ACTN4: variants seen among roughly 807,000 people sequenced by gnomAD.
ACTN4 encodes the protein actinin alpha 4, also known as alpha-actinin-4.
In ACTN4, 18 loss-of-function variants were observed where a neutral mutation model predicts 114.2. That is an observed-to-expected ratio of 0.16 (90% CI 0.11 to 0.23). The LOEUF is 0.23. ACTN4 is among the 10% of genes least tolerant of loss of function. The pLI is 1.00. For missense variants in ACTN4, 722 were observed against 1,262.9 expected (o/e 0.57, Z 6.49); for synonymous variants, 515 against 506.3 (o/e 1.02, Z -0.23).
At chr19:38,714,657 A>T in intron 9 of ACTN4, 96 bp downstream of exon 9, 1 of 1,306,040 alleles carries the variant, frequency 7.7e-7, no homozygotes, top group Non-Finnish European at 1.1e-6. Flanking sequence ...TGGCAGCGAG[A>T]TGACCTAGAA....
rs1334762708 is a variant in ACTN4 at position 38,673,508 on chromosome 19, A to AATATATATATATTC, written c.162+25609_162+25610insATATTCATATATAT. 9.2e-5 allele frequency among the ~76,000 whole-genome samples: 6 copies of AATATATATATATTC among 65,150 alleles called. 2 individuals are homozygous for AATATATATATATTC. The highest frequency in any genetic ancestry group is 2.3e-4 in the African/African-American group (4 of 17,554). The allele number at this position is 65,150 out of a possible 152,430, so 42.7% of individuals were successfully genotyped here. The stretch of plus-strand genomic sequence containing the variant: ...ATATTCATATATATTTATATATATG[A>AATATATATATATTC]ATATATATTTATATATATTCATATA... On this transcript the variant is annotated intron_variant, in intron 1 of 20. Coordinates refer to ENST00000252699, the MANE Select transcript of ACTN4 (RefSeq NM_004924.6).
At chr19:38,652,685 G>A (rs572632543) in intron 1 of ACTN4, among the ~76,000 whole-genome samples, 5 of 152,232 alleles carry the variant, frequency 3.3e-5, no homozygotes, top group African/African-American at 7.2e-5. Context: ...GCTGCCTTGT[G>A]GGGGGGAAAG....
intron 1 of ACTN4, among the ~76,000 whole-genome samples, chr19:38,677,663 AGT>A (rs1967423094): frequency 6.6e-6 from 1 of 152,102 alleles, no homozygotes; most frequent in South Asian, 2.1e-4. Flanking sequence ...TTCTAGGCCC[AGT>A]GTTCAGCCAG....
rs765076236 is a variant in ACTN4 at position 38,724,414 on chromosome 19, C to T, written c.1876-17C>T. The T allele has an allele frequency of 7.4e-6, 12 of 1,612,562 alleles. No individual in the cohort carries two copies. The highest frequency in any genetic ancestry group is 1.6e-4 in the Middle Eastern group (1 of 6,084). On this transcript the variant is annotated splice_polypyrimidine_tract_variant and intron_variant, in intron 15 of 20. Coordinates refer to ENST00000252699, the MANE Select transcript of ACTN4 (RefSeq NM_004924.6). This position sits in a 1 kb window ranked among gnomAD's most constrained non-coding sequence, Gnocchi z 7.0. ...GCCACCTCCCTGACCGCTCCCACAC[C>T]GCGTCTCCTCTGCCAGGTGCAGCAG... is the stretch of plus-strand genomic sequence containing the variant.
At chr19:38,709,556 T>C in intron 7 of ACTN4, 80 bp downstream of exon 7, 1 of 1,258,160 alleles carries the variant, frequency 7.9e-7, no homozygotes, top group Non-Finnish European at 1.2e-6. Flanking sequence ...GGCAAGGGGC[T>C]GTGGGCACAT....
intron 1 of ACTN4, among the ~76,000 whole-genome samples, chr19:38,664,206 A>G (rs969904530): frequency 6.6e-6 from 1 of 151,816 alleles, no homozygotes; most frequent in Non-Finnish European, 1.5e-5. Flanking sequence ...TCCAGGTGCT[A>G]TTCTTTTCTT....
At chr19:38,696,863 G>A (rs1968111927) in intron 1 of ACTN4, among the ~76,000 whole-genome samples, 1 of 152,220 alleles carries the variant, frequency 6.6e-6, no homozygotes, top group African/African-American at 2.4e-5. Flanking sequence ...CCTGTGCTTG[G>A]GGCTTTGCCT....
intron 1 of ACTN4, among the ~76,000 whole-genome samples, chr19:38,664,364 C>T (rs575830052): frequency 2.0e-5 from 3 of 152,172 alleles, no homozygotes; most frequent in Admixed American, 2.0e-4. Flanking sequence ...ATTGCCTTCC[C>T]CACACCGACA....
In ACTN4 at chr19:38,730,941, C is replaced by T. The variant is rs761927347; in HGVS notation, c.*1509C>T. 3.7e-5 allele frequency: 57 copies of T among 1,550,420 alleles called. No homozygotes were observed. Among genetic ancestry groups the T allele is most frequent in the Non-Finnish European group, 4.9e-5 (56 of 1,147,050 alleles). On this transcript the variant is annotated 3_prime_UTR_variant, in exon 21 of 21. Transcript: ENST00000252699. ...AGCTCGCAGGACAGAGCCTGAGCCA[C>T]CCTGTCCCTCCCACCTGGCTCACCT...
intron 1 of ACTN4, among the ~76,000 whole-genome samples, chr19:38,668,481 T>G (rs1967031560): frequency 6.6e-6 from 1 of 151,916 alleles, no homozygotes; most frequent in African/African-American, 2.4e-5. Context: ...AGGTCGGGAG[T>G]TTGAGACCAT....
At chr19:38,658,959 G>A (rs1194987246) in intron 1 of ACTN4, among the ~76,000 whole-genome samples, 1 of 152,076 alleles carries the variant, frequency 6.6e-6, no homozygotes, top group Non-Finnish European at 1.5e-5. Context: ...GTGTCTCATG[G>A]TGGGGTGAGA....
chr19:38,728,898 C>T, intron 19 of ACTN4, 98 bp from the exon 20 acceptor site: 17 of 1,510,638 alleles, frequency 1.1e-5, no homozygotes, highest in Non-Finnish European at 1.6e-5. Flanking sequence ...TTGGGCCCTA[C>T]TCTCTCGGCT....
intron 9 of ACTN4, among the ~76,000 whole-genome samples, chr19:38,716,118 T>C (rs1968834335): frequency 6.6e-6 from 1 of 152,142 alleles, no homozygotes; most frequent in African/African-American, 2.4e-5. Context: ...TTGGTCAGGC[T>C]GATCTTGAAC....
At chr19:38,685,619 A>G (rs1406689829) in intron 1 of ACTN4, among the ~76,000 whole-genome samples, 18 of 152,044 alleles carry the variant, frequency 1.2e-4, no homozygotes, top group Non-Finnish European at 4.4e-5. Context: ...GGATCTTCGT[A>G]CCCTGGGTTC....
intron 1 of ACTN4, among the ~76,000 whole-genome samples, chr19:38,661,969 A>T (rs1319828210): frequency 1.3e-5 from 2 of 152,126 alleles, no homozygotes; most frequent in Non-Finnish European, 2.9e-5. Context: ...CTGATTTTTA[A>T]ACTGGCTTTT....
chr19:38,687,067 G>A (rs556387810), intron 1 of ACTN4, among the ~76,000 whole-genome samples: 8 of 150,918 alleles, frequency 5.3e-5, no homozygotes, highest in East Asian at 4.0e-4. Flanking sequence ...GGGCTCAAGC[G>A]ATTCTCTTGC....
chr19:38,728,470 C>T lies in ACTN4; in HGVS notation c.2418+444C>T, dbSNP rs1356138516. 8 of 955,508 alleles carry T rather than the reference C, an allele frequency of 8.4e-6. No individual in the cohort carries two copies. In the African/African-American group the frequency reaches 9.8e-5, roughly 12 times the overall value. 59.2% of individuals were successfully genotyped at this position (955,508 alleles called of 1,614,324 possible). A position where few individuals can be genotyped will look rare whatever the true frequency, so the allele number is the denominator to read the frequency against. On this transcript the variant is annotated intron_variant, in intron 19 of 20. Transcript: ENST00000252699. ...TCCTCCCCCCCACCTCTCCCCCTCA[C>T]CGCCTCCAGAGCTTCCTCGTCCTCG...
chr19:38,730,542 A>C lies in ACTN4; in HGVS notation c.*1110A>C, dbSNP rs1599873441. 11 of 458,904 alleles carry C rather than the reference A, an allele frequency of 2.4e-5. No homozygotes were observed. In the East Asian group the frequency reaches 3.5e-4, roughly 15 times the overall value. The allele number at this position is 458,904 out of a possible 1,614,324, so 28.4% of individuals were successfully genotyped here. A position where few individuals can be genotyped will look rare whatever the true frequency, so the allele number is the denominator to read the frequency against. ...TATTTTTAAGAAGGATTCCTGCAGC[A>C]TCATCTTTTTTTATTTCTCCTGTGT... On this transcript the variant is annotated 3_prime_UTR_variant, in exon 21 of 21. Transcript: ENST00000252699.
rs993700626 is a variant in ACTN4, at chr19:38,730,753, G to A, written c.*1321G>A. 5.5e-6 allele frequency: 8 copies of A among 1,443,038 alleles called. No homozygotes were observed. The highest frequency in any genetic ancestry group is 1.8e-4 in the Middle Eastern group (1 of 5,500). The allele number at this position is 1,443,038 out of a possible 1,614,324, so 89.4% of individuals were successfully genotyped here. A position where few individuals can be genotyped will look rare whatever the true frequency, so the allele number is the denominator to read the frequency against. ...GGCCAGAGACTAGCCCCAGACAGGT[G>A]GATGCCAGAGAGAGTGGCACCCATG... On this transcript the variant is annotated 3_prime_UTR_variant, in exon 21 of 21. Coordinates refer to ENST00000252699, the MANE Select transcript of ACTN4 (RefSeq NM_004924.6).
Sources: gnomAD v4.1 joint callset for allele counts (sites outside exome capture counted in the v4.1 genomes callset) on GRCh38, gnomAD v4.1.1 for gene constraint, Gnocchi (gnomAD v3.1) non-coding constraint, MANE v1.5 for transcripts, NCBI Gene and HGNC (gene_info 2026-07-23, HGNC 2026-07-21) for gene names.